Variants in IL7 observed in about 807,000 individuals in gnomAD.
IL7 encodes interleukin-7.
A neutral mutation model predicts 21.6 loss-of-function variants in IL7; 3 were observed. The observed-to-expected ratio is 0.14, with a 90% CI of 0.06 to 0.36. IL7 has a LOEUF of 0.36. Ranked by LOEUF, IL7 falls within the 10% of genes least tolerant of loss-of-function variation. IL7 has a pLI of 1.00. For synonymous variants in IL7, 62 were observed against 68.1 expected (o/e 0.91, Z 0.44); for missense variants, 175 against 200.2 (o/e 0.87, Z 0.76).
chr8:78,793,564 C>T (rs1813763299), intron 2 of IL7, among the ~76,000 whole-genome samples: 1 of 152,018 alleles, frequency 6.6e-6, no homozygotes, highest in Non-Finnish European at 1.5e-5. Context: ...ATCATCTGAG[C>T]CTTCAGGGTG....
chr8:78,785,646 C>T (rs1262377274), intron 2 of IL7, among the ~76,000 whole-genome samples: 1 of 152,152 alleles, frequency 6.6e-6, no homozygotes, highest in Non-Finnish European at 1.5e-5. Context: ...TTCTTCGTGT[C>T]TGCCCCCTTC....
rs1366672115 is a variant in IL7, at chr8:78,763,691, A to G, written c.148-23609T>C. On this transcript the variant is annotated intron_variant, in intron 2 of 5. Coordinates refer to ENST00000263851, the MANE Select transcript of IL7 (RefSeq NM_000880.4). ...AAAATAAATAAAAAATGATGTTACA[A>G]AACAAAAAATACTAATCCCAGATGA... 7.2e-5 allele frequency among the ~76,000 whole-genome samples: 11 copies of G among 152,192 alleles called. 1 individual carries two copies. Among genetic ancestry groups the G allele is most frequent in the African/African-American group, 2.4e-5 (1 of 41,460 alleles).
At chr8:78,717,051 G>T (rs1811128748), downstream of IL7, among the ~76,000 whole-genome samples, 1 of 152,032 alleles carries the variant, frequency 6.6e-6, no homozygotes, top group African/African-American at 2.4e-5. Context: ...CCCAGTCTCA[G>T]GTAGTTCTTT....
In IL7 at chr8:78,798,056, C is replaced by G; in HGVS notation, c.147+16G>C. The G allele has an allele frequency of 1.9e-6, 3 of 1,581,452 alleles. No individual in the cohort carries two copies. Among genetic ancestry groups the G allele is most frequent in the Non-Finnish European group, 2.6e-6 (3 of 1,160,318 alleles). On this transcript the variant is annotated intron_variant, in intron 2 of 5. Transcript: ENST00000263851. ...CCAATGCATGAAAATGTGAGTAAAA[C>G]AAAATAATCACATACCAATAATTGA...
intron 3 of IL7, among the ~76,000 whole-genome samples, chr8:78,687,373 G>A (rs1204434127): frequency 6.7e-6 from 1 of 150,350 alleles, no homozygotes; most frequent in East Asian, 1.9e-4. Context: ...GAGAGATATA[G>A]TATATCTACA....
chr8:78,681,501 T>G (rs7842142), intron 4 of IL7, among the ~76,000 whole-genome samples: 104,200 of 151,964 alleles, frequency 0.69, 36,569 homozygotes, highest in East Asian at 0.91. Context: ...TGCATTTATA[T>G]TAATCAGAGA....
intron 3 of IL7, among the ~76,000 whole-genome samples, chr8:78,711,252 G>A (rs1249576546): frequency 6.6e-6 from 1 of 152,056 alleles, no homozygotes; most frequent in Non-Finnish European, 1.5e-5. Context: ...ATGTTGGTTG[G>A]TGATAGTTTA....
chr8:78,675,541 T>C (rs1585977728), downstream of IL7, among the ~76,000 whole-genome samples: 2 of 152,006 alleles, frequency 1.3e-5, no homozygotes, highest in African/African-American at 4.8e-5. Flanking sequence ...AAACTAGATA[T>C]TTCCAGCAGT....
intron 2 of IL7, among the ~76,000 whole-genome samples, chr8:78,756,698 C>G (rs1812360420): frequency 6.6e-6 from 1 of 151,662 alleles, no homozygotes; most frequent in African/African-American, 2.4e-5. Context: ...TTATTTGGGT[C>G]TTCTCTCTTT....
intron 3 of IL7, among the ~76,000 whole-genome samples, chr8:78,707,318 G>T (rs969661400): frequency 6.6e-6 from 1 of 152,200 alleles, no homozygotes; most frequent in Non-Finnish European, 1.5e-5. Flanking sequence ...TAGATAGGAC[G>T]TGTAAAGCTG....
chr8:78,763,828 T>C (rs953526346), intron 2 of IL7, among the ~76,000 whole-genome samples: 2 of 152,158 alleles, frequency 1.3e-5, no homozygotes, highest in Non-Finnish European at 2.9e-5. Flanking sequence ...ACTCATTCTA[T>C]AAGGCCAGCA....
chr8:78,747,265 A>G (rs1036650402), intron 2 of IL7, among the ~76,000 whole-genome samples: 3 of 139,972 alleles, frequency 2.1e-5, no homozygotes, highest in African/African-American at 8.3e-5. Flanking sequence ...GGCTCACTGC[A>G]ACCTCTGCCT....
intron 3 of IL7, among the ~76,000 whole-genome samples, chr8:78,709,815 A>G (rs1810899433): frequency 6.6e-6 from 1 of 152,136 alleles, no homozygotes; most frequent in Non-Finnish European, 1.5e-5. Flanking sequence ...GTGGCCTGTG[A>G]GCTGCTGGTT....
chr8:78,791,497 G>A (rs562395018), intron 2 of IL7, among the ~76,000 whole-genome samples: 1 of 152,026 alleles, frequency 6.6e-6, no homozygotes, highest in Non-Finnish European at 1.5e-5. Context: ...AAAATTAGCT[G>A]GGTGTGGTGG....
intron 5 of IL7, among the ~76,000 whole-genome samples, chr8:78,735,850 G>A (rs1419424841): frequency 6.6e-6 from 1 of 151,970 alleles, no homozygotes; most frequent in Non-Finnish European, 1.5e-5. Flanking sequence ...TATGAACCAG[G>A]TGTGCTCATT....
chr8:78,719,515 T>A (rs1000695982), intron 5 of IL7: 5 of 151,692 alleles, frequency 3.3e-5, no homozygotes, highest in African/African-American at 9.7e-5. Flanking sequence ...AGTTCAGTTT[T>A]AAAAAAAATC....
chr8:78,754,396 C>A (rs1360968729), intron 2 of IL7, among the ~76,000 whole-genome samples: 1 of 152,160 alleles, frequency 6.6e-6, no homozygotes, highest in East Asian at 1.9e-4. Flanking sequence ...AGAGAGGACA[C>A]AAGCAAATGG....
intron 2 of IL7, among the ~76,000 whole-genome samples, chr8:78,743,597 TGTA>T (rs1324150755): frequency 1.3e-5 from 2 of 152,168 alleles, no homozygotes; most frequent in South Asian, 4.1e-4. Flanking sequence ...ACGAAATTCT[TGTA>T]GTGTGTTTTT....
chr8:78,800,328 C>T (rs1360256820), intron 1 of IL7, among the ~76,000 whole-genome samples: 1 of 152,096 alleles, frequency 6.6e-6, no homozygotes, highest in Non-Finnish European at 1.5e-5. Context: ...GACAGGGTTT[C>T]ACTCTGCTGC....
Sources: allele counts gnomAD v4.1 joint callset (sites outside exome capture counted in the v4.1 genomes callset), GRCh38; gene constraint gnomAD v4.1.1; transcripts MANE v1.5; gene names NCBI Gene and HGNC (gene_info 2026-07-23, HGNC 2026-07-21).